KCMF1: variants seen among roughly 807,000 people sequenced by gnomAD.
The protein encoded by KCMF1 is E3 ubiquitin-protein ligase KCMF1.
KCMF1 carries 3 observed loss-of-function variants against 41.1 expected under a neutral mutation model. The observed-to-expected ratio is 0.07, with a 90% confidence interval of 0.03 to 0.19. The LOEUF is 0.19. KCMF1 is among the 10% of genes least tolerant of loss of function. The pLI, the probability that KCMF1 is intolerant of heterozygous loss-of-function variation, is 1.00. For missense variants in KCMF1, 286 were observed against 488.9 expected, an observed-to-expected ratio of 0.58 and a Z score of 3.91; for synonymous variants, 142 against 164.5, an observed-to-expected ratio of 0.86 and a Z score of 1.04.
intron 1 of KCMF1, among the ~76,000 whole-genome samples, chr2:85,024,463 A>G (rs550339549): frequency 3.1e-4 from 47 of 152,018 alleles, no homozygotes; most frequent in Non-Finnish European, 5.0e-4. Flanking sequence ...ACAGAGTGAG[A>G]CTCTATCTCA....
intron 1 of KCMF1, among the ~76,000 whole-genome samples, chr2:84,990,652 T>TAA (rs111732751): frequency 1.4e-5 from 2 of 146,038 alleles, no homozygotes. Context: ...CTGTTTTAAT[T>TAA]AAAAAAAAAA....
chr2:85,035,287 A>G (rs1675381326), intron 3 of KCMF1, 132 bp downstream of exon 3: 4 of 850,824 alleles, frequency 4.7e-6, no homozygotes, highest in Non-Finnish European at 6.9e-6. Context: ...TATTAAAATC[A>G]TCTTTTAACA....
At chr2:85,008,312 T>TATATATATCATATATAATATATA (rs1674538897) in intron 1 of KCMF1, among the ~76,000 whole-genome samples, 4 of 18,108 alleles carry the variant, frequency 2.2e-4, no homozygotes, top group Admixed American at 1.1e-3. Context: ...TATAATATGA[T>TATATATATCATATATAATATATA]ATATATATCA....
intron 2 of KCMF1, among the ~76,000 whole-genome samples, chr2:85,034,393 G>A (rs1181636024): frequency 6.6e-6 from 1 of 152,058 alleles, no homozygotes; most frequent in Non-Finnish European, 1.5e-5. Context: ...TACTGTCAAT[G>A]TCAGTGTTGC....
chr2:85,005,228 C>T (rs969843062), intron 1 of KCMF1, among the ~76,000 whole-genome samples: 7 of 151,258 alleles, frequency 4.6e-5, no homozygotes, highest in African/African-American at 1.5e-4. Flanking sequence ...TTTTAATTGA[C>T]ACATCATAAT....
At chr2:85,026,492 A>ATTATTATTATTTTTT (rs146823537) in intron 1 of KCMF1, among the ~76,000 whole-genome samples, 10 of 143,142 alleles carry the variant, frequency 7.0e-5, no homozygotes, top group African/African-American at 2.7e-4. Flanking sequence ...TATTATTATT[A>ATTATTATTATTTTTT]TTATTTTTAT....
chr2:85,037,226 C>T (rs1675424332), intron 3 of KCMF1, among the ~76,000 whole-genome samples: 1 of 152,164 alleles, frequency 6.6e-6, no homozygotes, highest in African/African-American at 2.4e-5. Flanking sequence ...GGATTTATCT[C>T]TCCTCATTAG....
intron 1 of KCMF1, among the ~76,000 whole-genome samples, chr2:84,996,845 A>G (rs1377484224): frequency 6.6e-6 from 1 of 152,146 alleles, no homozygotes; most frequent in Non-Finnish European, 1.5e-5. Flanking sequence ...GTGCTGAGAA[A>G]TGCATCGTTA....
chr2:85,018,795 A>ATTTTT (rs34627507), intron 1 of KCMF1, among the ~76,000 whole-genome samples: 14 of 73,696 alleles, frequency 1.9e-4, no homozygotes, highest in Non-Finnish European at 2.6e-4. Flanking sequence ...CAGAACTTTG[A>ATTTTT]TTTTTTTTTT....
At chr2:84,971,533 C>A in intron 1 of KCMF1, 66 bp downstream of exon 1, 2 of 912,034 alleles carry the variant, frequency 2.2e-6, no homozygotes, top group South Asian at 4.3e-5. Context: ...GGGCCGGGCG[C>A]GGCGGAGGGC....
chr2:85,024,359 A>C (rs1377960975), intron 1 of KCMF1, among the ~76,000 whole-genome samples: 2 of 151,890 alleles, frequency 1.3e-5, no homozygotes, highest in African/African-American at 4.8e-5. Flanking sequence ...TATGATCCCA[A>C]CTCCTTGGGA....
intron 3 of KCMF1, among the ~76,000 whole-genome samples, chr2:85,040,494 G>A (rs1057340783): frequency 2.6e-5 from 4 of 151,998 alleles, no homozygotes; most frequent in Admixed American, 6.6e-5. Context: ...CTCCTGCCCC[G>A]CTTTGCTCTC....
intron 1 of KCMF1, among the ~76,000 whole-genome samples, chr2:85,003,661 C>A (rs1309953988): frequency 2.6e-5 from 4 of 151,400 alleles, no homozygotes; most frequent in Admixed American, 2.6e-4. Context: ...CCGATGTTAC[C>A]CAGGTGGATC....
chr2:84,972,954 C>T (rs1002387054), intron 1 of KCMF1, among the ~76,000 whole-genome samples: 1 of 152,174 alleles, frequency 6.6e-6, no homozygotes, highest in Non-Finnish European at 1.5e-5. Context: ...AGCTATGCCT[C>T]TTTTCCCCAC....
chr2:85,023,349 CACTT>C (rs1478739937), intron 1 of KCMF1, among the ~76,000 whole-genome samples: 8 of 136,472 alleles, frequency 5.9e-5, no homozygotes, highest in Non-Finnish European at 9.2e-5. Context: ...CGGAGTCTCG[CACTT>C]TCTCGCCCAG....
intron 1 of KCMF1, among the ~76,000 whole-genome samples, chr2:85,004,183 C>G (rs1674407341): frequency 6.6e-6 from 1 of 152,118 alleles, no homozygotes; most frequent in African/African-American, 2.4e-5. Context: ...TATTTTCAGA[C>G]CACTGTTGAC....
chr2:85,032,874 AAATAAAAATCATTTTACTTCT>A (rs1407319035), intron 2 of KCMF1, among the ~76,000 whole-genome samples: 12 of 152,210 alleles, frequency 7.9e-5, no homozygotes, highest in Non-Finnish European at 1.0e-4. Context: ...TGTCATCTGC[AAATAAAAATCATTTTACTTCT>A]TCCTTTCTGT....
At chr2:85,028,122 C>A in intron 2 of KCMF1, 66 bp downstream of exon 2, 1 of 1,042,020 alleles carries the variant, frequency 9.6e-7, no homozygotes. Context: ...GAAGTAAAGG[C>A]AAAGTGTTCT....
intron 1 of KCMF1, among the ~76,000 whole-genome samples, chr2:84,990,984 A>G (rs926458540): frequency 1.3e-5 from 2 of 152,164 alleles, no homozygotes; most frequent in Non-Finnish European, 2.9e-5. Context: ...TGTGTTCGAG[A>G]TCATTCTAGC....
Sources: gnomAD v4.1 joint callset for allele counts (sites outside exome capture counted in the v4.1 genomes callset) on GRCh38, gnomAD v4.1.1 for gene constraint, MANE v1.5 for transcripts, NCBI Gene and HGNC (gene_info 2026-07-23, HGNC 2026-07-21) for gene names.